Variants in GRIA2 observed in about 807,000 individuals in gnomAD.
The protein encoded by GRIA2 is glutamate receptor 2.
Under a neutral mutation model 97.3 loss-of-function variants are expected in GRIA2, and 14 were observed. That is an observed-to-expected ratio of 0.14 (90% confidence interval 0.10 to 0.23). The LOEUF is 0.23. GRIA2 is among the 10% of genes least tolerant of loss of function. GRIA2 has a pLI of 1.00. For missense variants in GRIA2, 558 were observed against 1,069.8 expected, an observed-to-expected ratio of 0.52 and a Z score of 6.67; for synonymous variants, 412 against 387.8, an observed-to-expected ratio of 1.06 and a Z score of -0.73.
Position 157,313,390 on chromosome 4 carries a change from A to C in GRIA2, c.666+515A>C, listed in dbSNP as rs2126887265. 1.3e-5 allele frequency among the ~76,000 whole-genome samples: 2 copies of C among 152,218 alleles called. 1 individual carries two copies. Among genetic ancestry groups the C allele is most frequent in the South Asian group, 4.1e-4 (2 of 4,826 alleles). On this transcript the variant is annotated intron_variant, in intron 4 of 15. Transcript: ENST00000264426. ...CACTATAAAAAACATTGATTTGTGA[A>C]ATTAAAATATGTAGGAAGGACACAT...
At chr4:157,321,927 T>C (rs968295163) in intron 6 of GRIA2, among the ~76,000 whole-genome samples, 2 of 152,080 alleles carry the variant, frequency 1.3e-5, no homozygotes, top group African/African-American at 4.8e-5. Flanking sequence ...ACAGGGATAA[T>C]GTCCCTGCTC....
At chr4:157,312,606 C>T in intron 3 of GRIA2, 73 bp from the exon 4 acceptor site, 3 of 801,316 alleles carry the variant, frequency 3.7e-6, no homozygotes, top group Non-Finnish European at 5.7e-6. Context: ...AATATATTCA[C>T]TGGCAATTTC....
intron 2 of GRIA2, among the ~76,000 whole-genome samples, chr4:157,225,145 C>T (rs1409941209): frequency 6.6e-6 from 1 of 152,024 alleles, no homozygotes; most frequent in African/African-American, 2.4e-5. Context: ...TAAGGTTATA[C>T]AAAGAAAATG....
chr4:157,364,880 T>A lies in GRIA2; in HGVS notation c.*1449T>A, dbSNP rs190228896. The A allele has an allele frequency of 1.3e-5, 2 of 151,858 alleles. No homozygotes were observed. The highest frequency in any genetic ancestry group is 6.6e-5 in the Admixed American group (1 of 15,192). 9.4% of individuals were successfully genotyped at this position (151,858 alleles called of 1,614,324 possible). On this transcript the variant is annotated 3_prime_UTR_variant, in exon 16 of 16. Coordinates refer to ENST00000264426, the MANE Select transcript of GRIA2 (RefSeq NM_001083619.3). ...GCTATTTTAATATGCCCAGTGTGGATAAAATGTCACATTTCTGTAACTTTT... is the reference window on the plus strand; with the variant it reads ...GCTATTTTAATATGCCCAGTGTGGAAAAAATGTCACATTTCTGTAACTTTT...
intron 2 of GRIA2, among the ~76,000 whole-genome samples, chr4:157,252,781 AC>A (rs1731073783): frequency 6.6e-6 from 1 of 152,072 alleles, no homozygotes; most frequent in African/African-American, 2.4e-5. Flanking sequence ...ATTATAGATA[AC>A]CCTTAAGACA....
intron 2 of GRIA2, among the ~76,000 whole-genome samples, chr4:157,269,550 T>C (rs1323384101): frequency 3.3e-5 from 5 of 152,062 alleles, no homozygotes; most frequent in Non-Finnish European, 7.4e-5. Flanking sequence ...AGTTCTAGAC[T>C]CTTGACTGGC....
intron 2 of GRIA2, among the ~76,000 whole-genome samples, chr4:157,292,697 CTA>C (rs1002535288): frequency 2.0e-4 from 30 of 152,052 alleles, no homozygotes; most frequent in African/African-American, 7.2e-4. Flanking sequence ...ATAGAGGAAA[CTA>C]TAAAAATAGA....
In GRIA2 at chr4:157,360,108, C is replaced by T; in HGVS notation, c.2256C>T (p.Gly752=). ...MKVGGNLDSK[G]YGIATPKGSS... ...TTGGTGGAAACCTGGATTCCAAAGG[C>T]TATGGCATCGCAACACCTAAAGGAT... Residue 752 remains glycine, a synonymous_variant, in exon 13 of 16, where the codon GGC becomes GGT. Transcript: ENST00000264426. The T allele has an allele frequency of 6.2e-7, 1 of 1,613,780 alleles. No individual in the cohort carries two copies. The highest frequency in any genetic ancestry group is 8.5e-7 in the Non-Finnish European group (1 of 1,179,844).
intron 3 of GRIA2, among the ~76,000 whole-genome samples, chr4:157,305,921 G>A (rs1349101789): frequency 6.6e-6 from 1 of 152,072 alleles, no homozygotes; most frequent in East Asian, 1.9e-4. Context: ...GAGTGCCCAG[G>A]CAGTGCTCAG....
At chr4:157,223,160 A>G (rs959791144) in intron 2 of GRIA2, among the ~76,000 whole-genome samples, 1 of 152,154 alleles carries the variant, frequency 6.6e-6, no homozygotes, top group African/African-American at 2.4e-5. Context: ...CTTTAGTCAT[A>G]TATTCCGTGA....
At chr4:157,341,885 G>A (rs774602429) in intron 12 of GRIA2, among the ~76,000 whole-genome samples, 1 of 152,214 alleles carries the variant, frequency 6.6e-6, no homozygotes, top group South Asian at 2.1e-4. Flanking sequence ...TATGTGTGAG[G>A]AAACAGACTA....
chr4:157,224,979 T>C (rs1016900697), intron 2 of GRIA2, among the ~76,000 whole-genome samples: 2 of 152,142 alleles, frequency 1.3e-5, no homozygotes, highest in African/African-American at 4.8e-5. Flanking sequence ...TAAATTTACG[T>C]ATTAAAAAGT....
At chr4:157,291,527 A>G (rs1560750367) in intron 2 of GRIA2, among the ~76,000 whole-genome samples, 1 of 152,102 alleles carries the variant, frequency 6.6e-6, no homozygotes, top group South Asian at 2.1e-4. Flanking sequence ...TTAAAAGTCC[A>G]TCTATTGAAA....
intron 2 of GRIA2, among the ~76,000 whole-genome samples, chr4:157,260,006 G>A (rs1157435760): frequency 1.3e-5 from 2 of 151,986 alleles, no homozygotes; most frequent in Non-Finnish European, 2.9e-5. Flanking sequence ...CTACTGTTGT[G>A]GTCACAAGTC....
chr4:157,235,929 G>A (rs1730224878), intron 2 of GRIA2, among the ~76,000 whole-genome samples: 1 of 151,932 alleles, frequency 6.6e-6, no homozygotes, highest in Non-Finnish European at 1.5e-5. Flanking sequence ...ACTTTAAAAT[G>A]TCAATGCATA....
At chr4:157,245,032 GA>G (rs1730666621) in intron 2 of GRIA2, among the ~76,000 whole-genome samples, 1 of 151,946 alleles carries the variant, frequency 6.6e-6, no homozygotes. Flanking sequence ...AATAATAGCA[GA>G]TTGTCATTTC....
intron 2 of GRIA2, among the ~76,000 whole-genome samples, chr4:157,259,239 T>G (rs1458914179): frequency 6.6e-6 from 1 of 151,814 alleles, no homozygotes; most frequent in Admixed American, 6.6e-5. Flanking sequence ...AAAATATAAA[T>G]AAATAAAGTG....
chr4:157,283,951 T>C (rs1732722732), intron 2 of GRIA2, among the ~76,000 whole-genome samples: 1 of 151,936 alleles, frequency 6.6e-6, no homozygotes, highest in Admixed American at 6.6e-5. Context: ...TTTTTGAGAT[T>C]AATATCCAGG....
rs1735139456 is a variant in GRIA2, at chr4:157,333,311, T to C, written c.1113T>C (p.Tyr371=). Residue 371 remains tyrosine, a synonymous_variant, in exon 8 of 16, where the codon TAT becomes TAC. Transcript: ENST00000264426. The part of the protein sequence containing the change: ...KFDQNGKRIN[Y]TINIMELKTN... ...ACCAGAATGGAAAAAGAATAAACTA[T>C]ACAATTAACATCATGGAGCTCAAAA... 1.2e-6 allele frequency: 2 copies of C among 1,603,276 alleles called. No individual in the cohort carries two copies. The highest frequency in any genetic ancestry group is 1.7e-6 in the Non-Finnish European group (2 of 1,172,440).
Sources: allele counts gnomAD v4.1 joint callset (sites outside exome capture counted in the v4.1 genomes callset), GRCh38; gene constraint gnomAD v4.1.1; transcripts MANE v1.5; gene names NCBI Gene and HGNC (gene_info 2026-07-23, HGNC 2026-07-21).